CRYZ: variants seen among roughly 807,000 people sequenced by gnomAD.
CRYZ encodes zeta-crystallin.
CRYZ carries 35 observed loss-of-function variants against 34.1 expected under a neutral mutation model. The observed-to-expected ratio is 1.03, with a 90% CI of 0.78 to 1.36. The LOEUF (loss-of-function observed/expected upper bound fraction) is 1.36. CRYZ is among the 40% of genes most tolerant of loss of function. The pLI is 0.00. For missense variants in CRYZ, 403 were observed against 391.8 expected (o/e 1.03, Z -0.24); for synonymous variants, 137 against 136.5 (o/e 1.00, Z -0.03).
chr1:74,715,642 C>T (rs1647061304), intron 4 of CRYZ, among the ~76,000 whole-genome samples: 1 of 152,078 alleles, frequency 6.6e-6, no homozygotes, highest in South Asian at 2.1e-4. Context: ...AAAACATAAA[C>T]ATAAGGGGAT....
intron 3 of CRYZ, among the ~76,000 whole-genome samples, chr1:74,721,727 C>T (rs941993796): frequency 1.3e-5 from 2 of 152,152 alleles, no homozygotes; most frequent in South Asian, 4.1e-4. Context: ...AAGACAGTCA[C>T]ACAAGAGAGG....
intron 1 of CRYZ, among the ~76,000 whole-genome samples, chr1:74,725,566 A>C (rs908519121): frequency 6.7e-6 from 1 of 148,948 alleles, no homozygotes; most frequent in Non-Finnish European, 1.5e-5. Context: ...ACAATTCAAG[A>C]TGAGATTTGG....
chr1:74,719,653 A>G (rs535681276), intron 3 of CRYZ, among the ~76,000 whole-genome samples: 4 of 151,292 alleles, frequency 2.6e-5, no homozygotes, highest in Non-Finnish European at 5.9e-5. Context: ...GCACCACCAC[A>G]CCCGGCTGAT....
At chr1:74,717,580 T>C (rs771463836) in intron 4 of CRYZ, among the ~76,000 whole-genome samples, 1 of 152,212 alleles carries the variant, frequency 6.6e-6, no homozygotes, top group Non-Finnish European at 1.5e-5. Context: ...AAGAACTTTA[T>C]ACACATTACC....
intron 4 of CRYZ, 26 bp from the exon 5 acceptor site, chr1:74,714,656 C>T (rs773170702): frequency 1.2e-6 from 2 of 1,612,300 alleles, no homozygotes; most frequent in South Asian, 2.2e-5. Flanking sequence ...TAAGTTACAT[C>T]ACCTTATTTT....
At position 74,732,955 on chromosome 1, in the gene CRYZ, C is replaced by T. The variant is rs766289673; in HGVS notation, c.-14+1G>A. ...TAAGGAGAGTTTTTAAAACCACTTA[C>T]CAGAATCTAGAGTGGGAATTAAAAT... On this transcript the variant is annotated splice_donor_variant, in intron 1 of 8. Transcript: ENST00000340866. LOFTEE classifies it low-confidence loss of function (5UTR_SPLICE). The T allele has an allele frequency of 3.4e-4, 146 of 426,586 alleles. No individual in the cohort carries two copies. The highest frequency in any genetic ancestry group is 5.3e-4 in the Non-Finnish European group (126 of 238,636). The allele number at this position is 426,586 out of a possible 1,614,324, so 26.4% of individuals were successfully genotyped here.
chr1:74,706,299 TAAGAG>T lies in CRYZ; in HGVS notation c.982_986del (p.Leu328MetfsTer13), dbSNP rs1394483853. 4 of 1,602,994 alleles carry T rather than the reference TAAGAG, an allele frequency of 2.5e-6. No individual in the cohort carries two copies. Among genetic ancestry groups the T allele is most frequent in the Middle Eastern group, 3.3e-4 (2 of 5,998 alleles). On this transcript the variant is annotated frameshift_variant, in exon 9 of 9. Transcript: ENST00000340866. LOFTEE classifies it high-confidence loss of function. Reference sequence around the variant, plus strand: ...AAATCCATGAAAGAATTAATCATCATAAGAGAAGAATCATTTTTCCAGTAGCCCCA... The same window carrying T: ...AAATCCATGAAAGAATTAATCATCATAAGAATCATTTTTCCAGTAGCCCCA...
chr1:74,723,043 TG>T, intron 3 of CRYZ, 74 bp downstream of exon 3: 2 of 1,445,210 alleles, frequency 1.4e-6, no homozygotes, highest in Non-Finnish European at 1.9e-6. Context: ...TTAAATAAGA[TG>T]CAGTTGAAAG....
chr1:74,724,875 T>C (rs1332870006), intron 1 of CRYZ, 41 bp from the exon 2 acceptor site: 1 of 1,179,418 alleles, frequency 8.5e-7, no homozygotes, highest in Non-Finnish European at 1.2e-6. Context: ...ACATTGTATC[T>C]AGGATATCAC....
At chr1:74,711,428 T>G (rs542914852) in intron 5 of CRYZ, among the ~76,000 whole-genome samples, 5 of 152,184 alleles carry the variant, frequency 3.3e-5, no homozygotes, top group African/African-American at 1.2e-4. Flanking sequence ...CTGGAAAAAA[T>G]AAACAAATTC....
chr1:74,713,423 G>T (rs1008876355), intron 5 of CRYZ, among the ~76,000 whole-genome samples: 1 of 152,088 alleles, frequency 6.6e-6, no homozygotes, highest in Non-Finnish European at 1.5e-5. Flanking sequence ...CCCAAAAATA[G>T]CCTCTTCAGT....
At chr1:74,716,744 T>A (rs1458524522) in intron 4 of CRYZ, among the ~76,000 whole-genome samples, 1 of 152,188 alleles carries the variant, frequency 6.6e-6, no homozygotes, top group Non-Finnish European at 1.5e-5. Context: ...TCTGCCCACT[T>A]GCTGCTCCAG....
chr1:74,714,861 A>G (rs1647050941), intron 4 of CRYZ, among the ~76,000 whole-genome samples: 1 of 152,136 alleles, frequency 6.6e-6, no homozygotes, highest in Non-Finnish European at 1.5e-5. Context: ...TGTTCCAGGC[A>G]CTATGCTGCT....
At chr1:74,725,218 A>G (rs75946502) in intron 1 of CRYZ, among the ~76,000 whole-genome samples, 3,440 of 152,300 alleles carry the variant, frequency 0.023, 135 homozygotes, top group African/African-American at 0.079. Flanking sequence ...GAAACATTCC[A>G]AACATTTACC....
Position 74,719,267 on chromosome 1 carries a change from T to C in CRYZ, c.370A>G (p.Lys124Glu). ...VYKLPEKLDFKQGAAIGIPYF... is the reference protein window; with the variant it reads ...VYKLPEKLDFEQGAAIGIPYF... ...GGAATGCCGATGGCAGCTCCTTGTTTAAAGTCCAGTTTTTCAGGTAGTTTG... is the reference window on the plus strand; with the variant it reads ...GGAATGCCGATGGCAGCTCCTTGTTCAAAGTCCAGTTTTTCAGGTAGTTTG... The change falls in exon 4 of 9, where the codon AAA (lysine) becomes GAA (glutamate). Residue 124 changes from lysine (K) to glutamate (E), a missense_variant. By Grantham distance (56) the Lys-to-Glu change is moderately conservative. Transcript: ENST00000340866. 6.2e-7 allele frequency: 1 copy of C among 1,613,918 alleles called. No homozygotes were observed. Among genetic ancestry groups the C allele is most frequent in the Non-Finnish European group, 8.5e-7 (1 of 1,179,808 alleles).
chr1:74,726,455 G>A (rs1228454980), intron 1 of CRYZ, among the ~76,000 whole-genome samples: 1 of 152,180 alleles, frequency 6.6e-6, no homozygotes, highest in Non-Finnish European at 1.5e-5. Flanking sequence ...TGGCTGGGAT[G>A]CAGAGCACCA....
chr1:74,716,580 C>T (rs1467137278), intron 4 of CRYZ, among the ~76,000 whole-genome samples: 1 of 152,130 alleles, frequency 6.6e-6, no homozygotes, highest in African/African-American at 2.4e-5. Flanking sequence ...CCACTCTCTC[C>T]CAGGGCTTAA....
At chr1:74,723,497 G>A (rs1343182908) in intron 2 of CRYZ, among the ~76,000 whole-genome samples, 1 of 152,202 alleles carries the variant, frequency 6.6e-6, no homozygotes, top group Non-Finnish European at 1.5e-5. Context: ...AATAGTGAAA[G>A]AAATATCTAA....
intron 1 of CRYZ, among the ~76,000 whole-genome samples, chr1:74,729,846 T>C (rs558752023): frequency 2.0e-5 from 3 of 152,156 alleles, no homozygotes; most frequent in South Asian, 4.1e-4. Flanking sequence ...TGTTATGCAA[T>C]GCGTATTTTT....
Sources: gnomAD v4.1 joint callset for allele counts (sites outside exome capture counted in the v4.1 genomes callset) on GRCh38, gnomAD v4.1.1 for gene constraint, MANE v1.5 for transcripts, NCBI Gene and HGNC (gene_info 2026-07-23, HGNC 2026-07-21) for gene names.